The following PEAK1 variants were observed in gnomAD, a reference collection of about 807,000 sequenced individuals.
PEAK1 encodes inactive tyrosine-protein kinase PEAK1.
PEAK1 carries 54 observed loss-of-function variants against 124.7 expected under a neutral mutation model. The ratio of observed to expected loss-of-function variants is 0.43; its 90% CI spans 0.35 to 0.54. The LOEUF (loss-of-function observed/expected upper bound fraction) is 0.54, where lower values mean the gene tolerates loss of function less well. Ranked by LOEUF, PEAK1 falls within the 20% of genes least tolerant of loss-of-function variation. The probability of loss-of-function intolerance (pLI) is 0.01; values close to 1 mark genes in which losing one functional copy is unlikely to be tolerated. For synonymous variants in PEAK1, 719 were observed against 760.0 expected, an observed-to-expected ratio of 0.95 and a Z score of 0.89; for missense variants, 2,046 against 2,134.5, an observed-to-expected ratio of 0.96 and a Z score of 0.82.
At chr15:77,129,739 C>T (rs2052698548) in intron 9 of PEAK1, among the ~76,000 whole-genome samples, 1 of 152,114 alleles carries the variant, frequency 6.6e-6, no homozygotes, top group Non-Finnish European at 1.5e-5. Context: ...AGCCACCACG[C>T]CCAGTCTACC....
At chr15:77,257,509 G>T (rs62008426) in intron 5 of PEAK1, among the ~76,000 whole-genome samples, 11,497 of 150,678 alleles carry the variant, frequency 0.076, 543 homozygotes, top group Non-Finnish European at 0.1. Context: ...GTGTCTTTTG[G>T]CTGCATAAAT....
At chr15:77,245,686 C>T (rs1239126190) in intron 6 of PEAK1, among the ~76,000 whole-genome samples, 4 of 151,804 alleles carry the variant, frequency 2.6e-5, no homozygotes, top group Non-Finnish European at 4.4e-5. Flanking sequence ...CCTGGGAAAC[C>T]GAGTGAGACT....
intron 2 of PEAK1, chr15:77,347,962 T>C (rs2141403279): frequency 2.0e-6 from 2 of 985,166 alleles, no homozygotes; most frequent in East Asian, 1.1e-4. Flanking sequence ...CCAAACATAC[T>C]GTATAGGTTG....
intron 6 of PEAK1, among the ~76,000 whole-genome samples, chr15:77,218,025 TTTCTACATA>T (rs2059223939): frequency 6.6e-6 from 1 of 152,214 alleles, no homozygotes; most frequent in Non-Finnish European, 1.5e-5. Context: ...TCCTTAGCAT[TTTCTACATA>T]TATGATCACG....
intron 2 of PEAK1, chr15:77,351,613 A>C (rs984402965): frequency 2.7e-6 from 2 of 727,336 alleles, no homozygotes; most frequent in Non-Finnish European, 3.4e-6. Flanking sequence ...CCACTCCCAC[A>C]CTGTGGCATG....
chr15:77,175,758 T>C (rs1281141666), intron 7 of PEAK1, among the ~76,000 whole-genome samples: 1 of 152,206 alleles, frequency 6.6e-6, no homozygotes, highest in Admixed American at 6.5e-5. Context: ...ACTGGGTATA[T>C]ACCCAAAGGA....
At chr15:77,201,084 A>T (rs2058338000) in intron 6 of PEAK1, among the ~76,000 whole-genome samples, 1 of 152,114 alleles carries the variant, frequency 6.6e-6, no homozygotes, top group African/African-American at 2.4e-5. Flanking sequence ...CACTAAATGC[A>T]TCAAGTTGAG....
Position 77,365,650 on chromosome 15 carries a change from GA to G in PEAK1, c.-665-426del, listed in dbSNP as rs535585461. Among the ~76,000 whole-genome samples, 784 of 149,550 alleles carry G rather than the reference GA, an allele frequency of 5.2e-3. 5 individuals are homozygous for G. Among genetic ancestry groups the G allele is most frequent in the African/African-American group, 0.017 (677 of 40,728 alleles). On this transcript the variant is annotated intron_variant, in intron 1 of 9. Coordinates refer to ENST00000682557, the MANE Select transcript of PEAK1 (RefSeq NM_001385026.1). ...ACCTACTCGGGAGGCTGAGGCAGGAGAAACGCTTGAACCCGGGAGGCGGAGG... is the reference window on the plus strand; with the variant it reads ...ACCTACTCGGGAGGCTGAGGCAGGAGAACGCTTGAACCCGGGAGGCGGAGG...
At chr15:77,352,241 A>C in intron 2 of PEAK1, 2 of 985,402 alleles carry the variant, frequency 2.0e-6, no homozygotes, top group Non-Finnish European at 2.4e-6. Flanking sequence ...CTATCCTTAG[A>C]TCAAGGCAGT....
intron 1 of PEAK1, among the ~76,000 whole-genome samples, chr15:77,416,456 C>T (rs926958445): frequency 2.0e-5 from 3 of 152,200 alleles, no homozygotes; most frequent in Admixed American, 6.5e-5. Flanking sequence ...CCTAACTGGT[C>T]CTTGCTTCCA....
At chr15:77,186,110 C>A (rs1337111703) in intron 6 of PEAK1, among the ~76,000 whole-genome samples, 1 of 152,020 alleles carries the variant, frequency 6.6e-6, no homozygotes, top group Non-Finnish European at 1.5e-5. Context: ...ACTTATTATT[C>A]AGAAGTAACT....
intron 2 of PEAK1, among the ~76,000 whole-genome samples, chr15:77,342,738 T>A (rs2066622114): frequency 6.6e-6 from 1 of 152,194 alleles, no homozygotes; most frequent in Non-Finnish European, 1.5e-5. Flanking sequence ...CTGGATTATT[T>A]CACTTAGCAT....
chr15:77,374,710 A>G (rs1443766707), intron 1 of PEAK1, among the ~76,000 whole-genome samples: 1 of 152,186 alleles, frequency 6.6e-6, no homozygotes, highest in East Asian at 1.9e-4. Flanking sequence ...TGCTGTAGGC[A>G]GTTTCAGAGA....
chr15:77,130,273 G>C (rs953790966), intron 9 of PEAK1, among the ~76,000 whole-genome samples: 21 of 152,310 alleles, frequency 1.4e-4, no homozygotes, highest in African/African-American at 4.8e-4. Context: ...GCAGCAATAA[G>C]GGCCCAAGAT....
chr15:77,308,520 T>C (rs1341622984), intron 2 of PEAK1, among the ~76,000 whole-genome samples: 1 of 152,100 alleles, frequency 6.6e-6, no homozygotes, highest in Non-Finnish European at 1.5e-5. Context: ...TTATGTATGC[T>C]TCTCCCAAAT....
At chr15:77,378,093 T>C (rs1313613715) in intron 1 of PEAK1, among the ~76,000 whole-genome samples, 1 of 151,898 alleles carries the variant, frequency 6.6e-6, no homozygotes, top group Non-Finnish European at 1.5e-5. Context: ...TATGCTATTA[T>C]TTTACACATG....
intron 6 of PEAK1, among the ~76,000 whole-genome samples, chr15:77,219,707 CT>C (rs1011765499): frequency 6.6e-6 from 1 of 152,078 alleles, no homozygotes; most frequent in Non-Finnish European, 1.5e-5. Flanking sequence ...AATAAAATAT[CT>C]TTTGATTGAG....
chr15:77,401,786 T>C lies in PEAK1; in HGVS notation c.-666+18220A>G, dbSNP rs2071396099. 7.1e-6 allele frequency: 7 copies of C among 984,892 alleles called. No homozygotes were observed. The South Asian group carries it at 2.8e-4, about 40-fold the overall frequency. The allele number at this position is 984,892 out of a possible 1,614,324, so 61.0% of individuals were successfully genotyped here. A position where few individuals can be genotyped will look rare whatever the true frequency, so the allele number is the denominator to read the frequency against. On this transcript the variant is annotated intron_variant, in intron 1 of 9. Transcript: ENST00000682557. The stretch of plus-strand genomic sequence containing the variant: ...GCTTTTGCTGATCTGTATTGGAATT[T>C]TAAAGTTCCAATAAAAATTATTTAC...
chr15:77,145,347 G>T (rs543346878), intron 8 of PEAK1, among the ~76,000 whole-genome samples: 3 of 152,078 alleles, frequency 2.0e-5, no homozygotes, highest in Non-Finnish European at 4.4e-5. Context: ...TATTCGGGAG[G>T]TTGAGGCATG....
Sources: gnomAD v4.1 joint callset for allele counts (sites outside exome capture counted in the v4.1 genomes callset) on GRCh38, gnomAD v4.1.1 for gene constraint, MANE v1.5 for transcripts, NCBI Gene and HGNC (gene_info 2026-07-23, HGNC 2026-07-21) for gene names.